Variants in DDX24 observed in about 807,000 individuals in gnomAD.
The protein encoded by DDX24 is ATP-dependent RNA helicase DDX24.
A neutral mutation model predicts 68.9 loss-of-function variants in DDX24; 24 were observed. That is an observed-to-expected ratio of 0.35 (90% CI 0.25 to 0.49). The LOEUF is 0.49. Among genes scored for constraint, DDX24 ranks in the 20% least tolerant of loss-of-function variants. The pLI is 0.99. For missense variants in DDX24, 989 were observed against 1,039.0 expected (o/e 0.95, Z 0.66); for synonymous variants, 395 against 385.2 (o/e 1.03, Z -0.30).
intron 2 of DDX24, among the ~76,000 whole-genome samples, chr14:94,078,386 C>CTT (rs926981558): frequency 2.0e-5 from 3 of 152,204 alleles, no homozygotes; most frequent in African/African-American, 7.2e-5. Context: ...GCAGTCTAGT[C>CTT]TATCCAGCAA....
intron 6 of DDX24, chr14:94,055,503 C>T (rs1324175944): frequency 5.6e-6 from 2 of 354,156 alleles, no homozygotes; most frequent in African/African-American, 2.0e-5. Flanking sequence ...ATGTTAATCC[C>T]TGGGTTATAC....
chr14:94,053,358 CTTTTTTTTTTT>C (rs1160011824), intron 7 of DDX24: 337 of 124,610 alleles, frequency 2.7e-3, no homozygotes, highest in Middle Eastern at 8.7e-3. Flanking sequence ...TAGGTAATTT[CTTTTTTTTTTT>C]TTTTTTTTTT....
chr14:94,073,766 G>A (rs190894088), intron 2 of DDX24, among the ~76,000 whole-genome samples: 3 of 152,128 alleles, frequency 2.0e-5, no homozygotes, highest in East Asian at 1.9e-4. Flanking sequence ...ATAAGTGGCC[G>A]GGTGTGGCGG....
Position 94,079,521 on chromosome 14 carries a change from G to A in DDX24, c.222C>T (p.Pro74=), listed in dbSNP as rs1886015545. 6.2e-7 allele frequency: 1 copy of A among 1,613,940 alleles called. No individual in the cohort carries two copies. The highest frequency in any genetic ancestry group is 8.5e-7 in the Non-Finnish European group (1 of 1,180,050). ...CTGAAACAGCTTGTGCCTTTCTCTT[G>A]GGTGCTTCCTTTGAGAAGAGACTGG... ...NPSSLFSKEA[P]KRKAQAVSEE... The change falls in exon 2 of 9, where the codon CCC becomes CCT. Residue 74 remains proline (P), a synonymous_variant. Transcript: ENST00000621632.
chr14:94,053,139 T>C lies in DDX24; in HGVS notation c.2179-12A>G. 2 of 1,613,768 alleles carry C rather than the reference T, an allele frequency of 1.2e-6. No individual in the cohort carries two copies. Among genetic ancestry groups the C allele is most frequent in the Non-Finnish European group, 1.7e-6 (2 of 1,179,928 alleles). On this transcript the variant is annotated splice_polypyrimidine_tract_variant and intron_variant, in intron 7 of 8. Transcript: ENST00000621632. ...AAACGGATTCGCTCCTGGGGGGAAGTAACAGAAAATATTCATCTGAAATAG... is the reference window on the plus strand; with the variant it reads ...AAACGGATTCGCTCCTGGGGGGAAGCAACAGAAAATATTCATCTGAAATAG...
intron 2 of DDX24, among the ~76,000 whole-genome samples, chr14:94,073,298 T>C (rs1454061903): frequency 6.6e-6 from 1 of 152,122 alleles, no homozygotes; most frequent in Non-Finnish European, 1.5e-5. Flanking sequence ...TTGGCCAGGC[T>C]GGTTTTGAAC....
At chr14:94,064,125 T>C (rs1885650269) in intron 2 of DDX24, among the ~76,000 whole-genome samples, 1 of 152,148 alleles carries the variant, frequency 6.6e-6, no homozygotes, top group Non-Finnish European at 1.5e-5. Flanking sequence ...TAATAAAAGA[T>C]ATATACTATA....
At chr14:94,057,785 T>A in intron 6 of DDX24, 37 bp downstream of exon 6, 10 of 1,602,392 alleles carry the variant, frequency 6.2e-6, no homozygotes, top group Non-Finnish European at 8.5e-6. Context: ...CCCCATTCAG[T>A]GCAGGCAGAT....
Position 94,049,135 on chromosome 14 carries a change from T to C in DDX24, c.*2056A>G, listed in dbSNP as rs1189022927. 6.6e-6 allele frequency: 1 copy of C among 152,298 alleles called. No homozygotes were observed. 9.4% of individuals were successfully genotyped at this position (152,298 alleles called of 1,614,324 possible). A position where few individuals can be genotyped will look rare whatever the true frequency, so the allele number is the denominator to read the frequency against. ...CTGCTTGGAAGGCTGCTCCTGCCTT[T>C]TAAAGCCTGTCTACGTATTAGCTCC... On this transcript the variant is annotated 3_prime_UTR_variant, in exon 9 of 9. Transcript: ENST00000621632.
chr14:94,072,608 T>C (rs1187243566), intron 2 of DDX24, among the ~76,000 whole-genome samples: 3 of 152,200 alleles, frequency 2.0e-5, no homozygotes, highest in Non-Finnish European at 2.9e-5. Flanking sequence ...GGTGGGCAGA[T>C]TACTTGAGTT....
chr14:94,073,325 T>C (rs925595897), intron 2 of DDX24, among the ~76,000 whole-genome samples: 1 of 152,172 alleles, frequency 6.6e-6, no homozygotes, highest in African/African-American at 2.4e-5. Flanking sequence ...CCTCAAGTGA[T>C]CCACATGCCT....
chr14:94,078,467 C>A (rs1462288465), intron 2 of DDX24, among the ~76,000 whole-genome samples: 4 of 152,180 alleles, frequency 2.6e-5, no homozygotes, highest in African/African-American at 4.8e-5. Context: ...CACTTCATAG[C>A]TGAATCTGTT....
chr14:94,051,182 C>A lies in DDX24; in HGVS notation c.*9G>T, dbSNP rs763752831. On this transcript the variant is annotated 3_prime_UTR_variant, in exon 9 of 9. Coordinates refer to ENST00000621632, the MANE Select transcript of DDX24 (RefSeq NM_020414.4). ...AAACCAATGTGCAGTCACTGACACA[C>A]TTGACCAGTTAATTTGCACTTGTAC... 1.3e-6 allele frequency: 2 copies of A among 1,487,716 alleles called. No homozygotes were observed. The highest frequency in any genetic ancestry group is 3.7e-5 in the African/African-American group (2 of 53,424). 92.2% of individuals were successfully genotyped at this position (1,487,716 alleles called of 1,614,324 possible).
rs1023195416 is a variant in DDX24, at chr14:94,060,693, T to TG, written c.1398-81_1398-80insC. On this transcript the variant is annotated intron_variant, in intron 4 of 8. Coordinates refer to ENST00000621632, the MANE Select transcript of DDX24 (RefSeq NM_020414.4). ...TCTATAGCACACCCTACACTCATCC[T>TG]AAACACACACACACACACACGTACA... 7 of 1,522,512 alleles carry TG rather than the reference T, an allele frequency of 4.6e-6. No individual in the cohort carries two copies. In the African/African-American group the frequency reaches 9.8e-5, roughly 21 times the overall value. 94.3% of individuals were successfully genotyped at this position (1,522,512 alleles called of 1,614,324 possible).
intron 6 of DDX24, 153 bp from the exon 7 acceptor site, chr14:94,055,337 T>C: frequency 1.4e-6 from 1 of 696,544 alleles, no homozygotes; most frequent in East Asian, 2.7e-5. Flanking sequence ...CCTCCTCTCT[T>C]AGTCCCACAT....
At chr14:94,080,511 C>A (rs1324862233) in intron 1 of DDX24, among the ~76,000 whole-genome samples, 1 of 151,944 alleles carries the variant, frequency 6.6e-6, no homozygotes, top group African/African-American at 2.4e-5. Context: ...CTGCGGTGGA[C>A]GTATTAATCT....
chr14:94,050,923 C>G lies in DDX24; in HGVS notation c.*268G>C. On this transcript the variant is annotated 3_prime_UTR_variant, in exon 9 of 9. Coordinates refer to ENST00000621632, the MANE Select transcript of DDX24 (RefSeq NM_020414.4). ...AAAAAATCAGGATGACACAATGGCT[C>G]TGACCATTGTTTTTAATTTATGAAA... 2 of 378,462 alleles carry G rather than the reference C, an allele frequency of 5.3e-6. No homozygotes were observed. Among genetic ancestry groups the G allele is most frequent in the Non-Finnish European group, 9.3e-6 (2 of 214,860 alleles). 23.4% of individuals were successfully genotyped at this position (378,462 alleles called of 1,614,324 possible). A position where few individuals can be genotyped will look rare whatever the true frequency, so the allele number is the denominator to read the frequency against.
intron 2 of DDX24, among the ~76,000 whole-genome samples, chr14:94,063,218 A>C (rs1238592562): frequency 6.6e-6 from 1 of 152,206 alleles, no homozygotes; most frequent in African/African-American, 2.4e-5. Context: ...CATCTCCAAA[A>C]ATTTTCACAA....
rs1417676419 is a variant in DDX24 at position 94,062,419 on chromosome 14, T to C, written c.921A>G (p.Glu307=). 1 of 1,614,198 alleles carries C rather than the reference T, an allele frequency of 6.2e-7. No homozygotes were observed. The highest frequency in any genetic ancestry group is 1.1e-5 in the South Asian group (1 of 91,080). The part of the protein sequence containing the change: ...ALPDDTVIES[E]ALPSDIAAEA... The stretch of plus-strand genomic sequence containing the variant: ...CGGCTGCAATATCACTGGGCAGTGC[T>C]TCACTCTCAATTACAGTATCGTCAG... Residue 307 remains glutamate, a synonymous_variant, in exon 3 of 9, where the codon GAA becomes GAG. Coordinates refer to ENST00000621632, the MANE Select transcript of DDX24 (RefSeq NM_020414.4).
Sources: gnomAD v4.1 joint callset for allele counts (sites outside exome capture counted in the v4.1 genomes callset) on GRCh38, gnomAD v4.1.1 for gene constraint, MANE v1.5 for transcripts, NCBI Gene and HGNC (gene_info 2026-07-23, HGNC 2026-07-21) for gene names.